The following SLC35F3 variants were observed in gnomAD, a reference collection of about 807,000 sequenced individuals.
The protein encoded by SLC35F3 is putative thiamine transporter SLC35F3.
In SLC35F3, 25 loss-of-function variants were observed where a neutral mutation model predicts 49.9. That is an observed-to-expected ratio of 0.50 (90% confidence interval 0.37 to 0.70). The LOEUF is 0.70. Ranked by LOEUF, SLC35F3 falls within the 30% of genes least tolerant of loss-of-function variation. The pLI is 0.00. For missense variants in SLC35F3, 525 were observed against 639.8 expected (o/e 0.82, Z 1.94); for synonymous variants, 275 against 265.4 (o/e 1.04, Z -0.35).
At chr1:234,065,737 A>G (rs1664607402) in intron 2 of SLC35F3, among the ~76,000 whole-genome samples, 1 of 152,254 alleles carries the variant, frequency 6.6e-6, no homozygotes, top group South Asian at 2.1e-4. Context: ...CACCTTAACC[A>G]CAGTAATTTC....
intron 2 of SLC35F3, among the ~76,000 whole-genome samples, chr1:234,031,308 T>G (rs1664058604): frequency 6.6e-6 from 1 of 152,220 alleles, no homozygotes; most frequent in African/African-American, 2.4e-5. Context: ...AAGTTAGCCC[T>G]AGACCCTATC....
At chr1:234,321,465 T>C (rs1424117051) in intron 7 of SLC35F3, among the ~76,000 whole-genome samples, 1 of 152,124 alleles carries the variant, frequency 6.6e-6, no homozygotes, top group African/African-American at 2.4e-5. Context: ...GGACAGCTGG[T>C]AAAAAAGAAA....
chr1:233,952,598 T>C (rs1012384618), intron 2 of SLC35F3, among the ~76,000 whole-genome samples: 2 of 152,182 alleles, frequency 1.3e-5, no homozygotes, highest in African/African-American at 4.8e-5. Flanking sequence ...CCTGTCTCTT[T>C]TTCTTCTTGC....
intron 2 of SLC35F3, among the ~76,000 whole-genome samples, chr1:234,206,468 G>C (rs895879137): frequency 3.0e-5 from 4 of 134,958 alleles, no homozygotes; most frequent in African/African-American, 1.1e-4. Context: ...CTGGGGGTGG[G>C]GGGGACTATT....
intron 3 of SLC35F3, among the ~76,000 whole-genome samples, chr1:234,249,338 C>T (rs887188375): frequency 8.5e-5 from 13 of 152,214 alleles, no homozygotes; most frequent in African/African-American, 3.1e-4. Context: ...AAGCTTCCAT[C>T]CTCCCTAGTG....
chr1:233,919,042 A>G (rs1343271038), intron 2 of SLC35F3, among the ~76,000 whole-genome samples: 2 of 152,156 alleles, frequency 1.3e-5, no homozygotes, highest in African/African-American at 4.8e-5. Flanking sequence ...CTATCTATAT[A>G]TATATGTTCA....
In SLC35F3 at chr1:234,140,201, T is replaced by C. The variant is rs1434723029; in HGVS notation, c.284-91216T>C. ...CACAATTTTAAACCTATGAGCCGTT[T>C]CTGGAATTTTTCCATTTACGTCACA... is the stretch of plus-strand genomic sequence containing the variant. On this transcript the variant is annotated intron_variant, in intron 2 of 7. Transcript: ENST00000366618. Among the ~76,000 whole-genome samples, 6 of 152,036 alleles carry C rather than the reference T, an allele frequency of 3.9e-5. No homozygotes were observed. In the South Asian group the frequency reaches 1.0e-3, roughly 26 times the overall value.
At chr1:234,108,623 GAT>G (rs58507649) in intron 2 of SLC35F3, among the ~76,000 whole-genome samples, 7 of 110,636 alleles carry the variant, frequency 6.3e-5, no homozygotes, top group East Asian at 4.9e-4. Context: ...ATATATAAAA[GAT>G]ATATATATTT....
At chr1:234,159,358 C>T (rs1666195302) in intron 2 of SLC35F3, among the ~76,000 whole-genome samples, 1 of 152,062 alleles carries the variant, frequency 6.6e-6, no homozygotes, top group Non-Finnish European at 1.5e-5. Context: ...GGGTGGATCA[C>T]CTGAGGTCAG....
chr1:234,250,334 C>T (rs1417314877), intron 3 of SLC35F3, among the ~76,000 whole-genome samples: 2 of 152,066 alleles, frequency 1.3e-5, no homozygotes, highest in African/African-American at 4.8e-5. Flanking sequence ...TAAAGGAATA[C>T]CTGAGGCTGG....
intron 2 of SLC35F3, among the ~76,000 whole-genome samples, chr1:233,949,361 G>A (rs1662566844): frequency 1.3e-5 from 2 of 152,166 alleles, no homozygotes; most frequent in Non-Finnish European, 1.5e-5. Context: ...TGATAGATAA[G>A]GCAAGTACTT....
chr1:234,043,585 C>G (rs1293366626), intron 2 of SLC35F3, among the ~76,000 whole-genome samples: 1 of 152,016 alleles, frequency 6.6e-6, no homozygotes, highest in East Asian at 1.9e-4. Context: ...GTGGAAAACT[C>G]TGGTACACTC....
chr1:233,996,118 T>C (rs1220664902), intron 2 of SLC35F3, among the ~76,000 whole-genome samples: 4 of 152,154 alleles, frequency 2.6e-5, no homozygotes, highest in Non-Finnish European at 4.4e-5. Context: ...GGGTTTCACA[T>C]TCATAGATTC....
At chr1:234,137,141 C>G (rs1458590) in intron 2 of SLC35F3, among the ~76,000 whole-genome samples, 48,572 of 152,118 alleles carry the variant, frequency 0.32, 11,301 homozygotes, top group East Asian at 0.74. Context: ...TGCATGCACA[C>G]GTACCTGTCA....
chr1:233,918,842 G>T (rs1262145671), intron 2 of SLC35F3, among the ~76,000 whole-genome samples: 1 of 150,776 alleles, frequency 6.6e-6, no homozygotes, highest in African/African-American at 2.4e-5. Context: ...ATATTTGTGT[G>T]TTTGTGTGTG....
At chr1:233,952,002 T>C (rs1177184163) in intron 2 of SLC35F3, among the ~76,000 whole-genome samples, 3 of 151,686 alleles carry the variant, frequency 2.0e-5, no homozygotes, top group Non-Finnish European at 4.4e-5. Context: ...CTATCATTTT[T>C]TTCTCTAATC....
chr1:234,000,177 A>G (rs1447074112), intron 2 of SLC35F3, among the ~76,000 whole-genome samples: 1 of 152,134 alleles, frequency 6.6e-6, no homozygotes, highest in Non-Finnish European at 1.5e-5. Flanking sequence ...ATATACGCAA[A>G]GAGTAGAAAA....
At chr1:233,986,242 T>C (rs540986062) in intron 2 of SLC35F3, among the ~76,000 whole-genome samples, 6 of 152,310 alleles carry the variant, frequency 3.9e-5, no homozygotes, top group Non-Finnish European at 7.4e-5. Context: ...ATAATACATG[T>C]ATCTTTCTTT....
At chr1:233,972,142 TTGTC>T (rs1363245267) in intron 2 of SLC35F3, among the ~76,000 whole-genome samples, 5 of 152,188 alleles carry the variant, frequency 3.3e-5, no homozygotes, top group Non-Finnish European at 5.9e-5. Context: ...AAATGTGTGA[TTGTC>T]TGTTTGAAAT....
Sources: gnomAD v4.1 joint callset for allele counts (sites outside exome capture counted in the v4.1 genomes callset) on GRCh38, gnomAD v4.1.1 for gene constraint, MANE v1.5 for transcripts, NCBI Gene and HGNC (gene_info 2026-07-23, HGNC 2026-07-21) for gene names.